The following CBLB variants were observed in gnomAD, a reference collection of about 807,000 sequenced individuals.
CBLB encodes the protein Cbl proto-oncogene B, also known as E3 ubiquitin-protein ligase CBL-B.
Under a neutral mutation model 104.9 loss-of-function variants are expected in CBLB, and 31 were observed. That is an observed-to-expected ratio of 0.30 (90% CI 0.22 to 0.40). CBLB has a LOEUF of 0.40. Among genes scored for constraint, CBLB ranks in the 10% least tolerant of loss-of-function variants. CBLB has a pLI of 1.00. For synonymous variants in CBLB, 440 were observed against 422.6 expected, an observed-to-expected ratio of 1.04 and a Z score of -0.51; for missense variants, 1,062 against 1,214.6, an observed-to-expected ratio of 0.87 and a Z score of 1.87.
chr3:105,664,606 T>A (rs1319267673), intron 18 of CBLB, among the ~76,000 whole-genome samples: 1 of 152,180 alleles, frequency 6.6e-6, no homozygotes, highest in Non-Finnish European at 1.5e-5. Context: ...GTGTATAATA[T>A]GCGCATAATT....
At chr3:105,825,339 G>A (rs75771843) in intron 3 of CBLB, among the ~76,000 whole-genome samples, 2,887 of 152,122 alleles carry the variant, frequency 0.019, 93 homozygotes, top group African/African-American at 0.066. Flanking sequence ...TGTTTCCTCC[G>A]ACTCTCAGAT....
In CBLB at chr3:105,678,449, G is replaced by T. The variant is rs776553846; in HGVS notation, c.2551C>A (p.Leu851Ile). 9.9e-6 allele frequency: 16 copies of T among 1,614,068 alleles called. No individual in the cohort carries two copies. In the South Asian group the frequency reaches 1.8e-4, roughly 18 times the overall value. The change falls in exon 17 of 19, where the codon CTT becomes ATT. Residue 851 changes from leucine (L) to isoleucine (I), a missense_variant. By Grantham distance (5) the Leu-to-Ile change is conservative. Coordinates refer to ENST00000394030, the MANE Select transcript of CBLB (RefSeq NM_170662.5). ...SSSRPSSGQDLFLLPSDPFVD... is the reference protein window; with the variant it reads ...SSSRPSSGQDIFLLPSDPFVD... ...CTCCTACCTGAAGGAAGAAGAAAAAGATCCTGTCCTGAGGATGGCCGGCTA... is the reference window on the plus strand; with the variant it reads ...CTCCTACCTGAAGGAAGAAGAAAAATATCCTGTCCTGAGGATGGCCGGCTA...
chr3:105,793,674 T>G (rs1238304685), intron 3 of CBLB, among the ~76,000 whole-genome samples: 7 of 152,118 alleles, frequency 4.6e-5, no homozygotes, highest in African/African-American at 1.7e-4. Flanking sequence ...TCATGAAAGA[T>G]TCACTAAAAT....
At chr3:105,780,723 C>T (rs556078266) in intron 3 of CBLB, among the ~76,000 whole-genome samples, 8 of 119,506 alleles carry the variant, frequency 6.7e-5, no homozygotes, top group Non-Finnish European at 1.1e-4. Context: ...AGTGCGGTGG[C>T]GCGATCTCGG....
At chr3:105,810,236 T>C (rs556062448) in intron 3 of CBLB, among the ~76,000 whole-genome samples, 22 of 152,248 alleles carry the variant, frequency 1.4e-4, no homozygotes, top group African/African-American at 5.3e-4. Flanking sequence ...TTGCTCTTAT[T>C]TTATTCAATA....
intron 12 of CBLB, among the ~76,000 whole-genome samples, chr3:105,695,930 G>T (rs2068314546): frequency 6.6e-6 from 1 of 151,574 alleles, no homozygotes; most frequent in African/African-American, 2.4e-5. Flanking sequence ...TGGCTCAGAT[G>T]CACTTATTAA....
intron 13 of CBLB, among the ~76,000 whole-genome samples, chr3:105,687,195 T>C (rs1360515218): frequency 6.6e-6 from 1 of 152,146 alleles, no homozygotes; most frequent in Admixed American, 6.5e-5. Flanking sequence ...AAGCATACAC[T>C]ATGTAAAAAG....
rs78373207 is a variant in CBLB, at chr3:105,738,465, A to G, written c.984-1207T>C. Among the ~76,000 whole-genome samples the G allele has an allele frequency of 3.5e-3, 532 of 152,226 alleles. 2 individuals carry two copies. Among genetic ancestry groups the G allele is most frequent in the African/African-American group, 0.012 (515 of 41,566 alleles). ...AAAATTTGACAAACATTAAATGAGG[A>G]ATGATAATCCAAAGAAGAATAAGCA... is the stretch of plus-strand genomic sequence containing the variant. On this transcript the variant is annotated intron_variant, in intron 7 of 18. Coordinates refer to ENST00000394030, the MANE Select transcript of CBLB (RefSeq NM_170662.5).
intron 4 of CBLB, among the ~76,000 whole-genome samples, chr3:105,755,016 C>CTTTTT (rs67405809): frequency 9.3e-4 from 134 of 143,802 alleles, no homozygotes; most frequent in East Asian, 6.7e-3. Context: ...AGTATCTTTT[C>CTTTTT]TTTTTTTTTT....
In CBLB at chr3:105,670,267, T is replaced by C. The variant is rs749804020; in HGVS notation, c.2655A>G (p.Thr885=). ...AAGGAAGCTGATCATAGTCCTGTGA[T>C]GTTCTGTTAGTTTTGACATTTTCAC... ...LPGENVKTNR[T]SQDYDQLPSC... Residue 885 remains threonine (T), a synonymous_variant, in exon 18 of 19, where the codon ACA becomes ACG. Transcript: ENST00000394030. The C allele has an allele frequency of 1.2e-6, 2 of 1,613,356 alleles. No homozygotes were observed. The highest frequency in any genetic ancestry group is 1.7e-6 in the Non-Finnish European group (2 of 1,179,438).
At position 105,702,276 on chromosome 3, in the gene CBLB, A is replaced by G; in HGVS notation, c.1777T>C (p.Trp593Arg). Residue 593 changes from tryptophan to arginine, a missense_variant, in exon 12 of 19, where the codon TGG becomes CGG. By Grantham distance (101) the Trp-to-Arg change is moderately radical. Transcript: ENST00000394030. Reference protein sequence around the residue: ...SRDPPMPLEAWCPRDVFGTNQ... With the variant: ...SRDPPMPLEARCPRDVFGTNQ... ...GTCCCAAACACATCCCGAGGGCACCATGCTTCAAGAGGCATTGGCGGGTCT... is the reference window on the plus strand; with the variant it reads ...GTCCCAAACACATCCCGAGGGCACCGTGCTTCAAGAGGCATTGGCGGGTCT... The G allele has an allele frequency of 6.2e-7, 1 of 1,614,022 alleles. No individual in the cohort carries two copies.
rs943167466 is a variant in CBLB at position 105,681,894 on chromosome 3, C to A, written c.2202-76G>T. ...AAAGTAACTTGAGAGGTAGAGGGAA[C>A]TAGTATTCCTGTTTATTTAATAAAG... On this transcript the variant is annotated intron_variant, in intron 14 of 18. Transcript: ENST00000394030. 5 of 839,208 alleles carry A rather than the reference C, an allele frequency of 6.0e-6. No individual in the cohort carries two copies. The African/African-American group carries it at 8.4e-5, about 14-fold the overall frequency. The allele number at this position is 839,208 out of a possible 1,614,324, so 52.0% of individuals were successfully genotyped here.
chr3:105,712,056 C>A (rs1237826856), intron 10 of CBLB, among the ~76,000 whole-genome samples: 1 of 152,068 alleles, frequency 6.6e-6, no homozygotes, highest in East Asian at 1.9e-4. Flanking sequence ...ACCTTAAGGG[C>A]ACTGCTCTAC....
chr3:105,676,414 T>C (rs974083163), intron 17 of CBLB, among the ~76,000 whole-genome samples: 6 of 152,180 alleles, frequency 3.9e-5, no homozygotes, highest in African/African-American at 7.2e-5. Flanking sequence ...TTGTGTAAAA[T>C]GTTCTCTTTT....
At chr3:105,869,027 G>A (rs1226896419), upstream of CBLB, 1 of 628,096 alleles carries the variant, frequency 1.6e-6, no homozygotes, top group South Asian at 2.5e-5. Context: ...CACCCCTGTG[G>A]CACACACAGG....
intron 3 of CBLB, among the ~76,000 whole-genome samples, chr3:105,779,805 C>T (rs1297798785): frequency 6.6e-6 from 1 of 151,890 alleles, no homozygotes; most frequent in African/African-American, 2.4e-5. Flanking sequence ...CAATGTTTTG[C>T]TATGTAGTAT....
chr3:105,810,672 TTC>T (rs552610183), intron 3 of CBLB, among the ~76,000 whole-genome samples: 134 of 152,238 alleles, frequency 8.8e-4, no homozygotes, highest in Non-Finnish European at 5.7e-4. Flanking sequence ...TAATTTATAG[TTC>T]TGTCATGTTT....
chr3:105,749,204 T>A (rs1394838900), intron 5 of CBLB, among the ~76,000 whole-genome samples: 1 of 152,190 alleles, frequency 6.6e-6, no homozygotes, highest in Non-Finnish European at 1.5e-5. Flanking sequence ...AGCATTTGAT[T>A]ACAGCATAGA....
chr3:105,840,702 T>C (rs888359347), intron 3 of CBLB, among the ~76,000 whole-genome samples: 3 of 152,296 alleles, frequency 2.0e-5, no homozygotes, highest in Non-Finnish European at 2.9e-5. Flanking sequence ...GAAAATGGAA[T>C]TGGACTACCT....
Sources: allele counts gnomAD v4.1 joint callset (sites outside exome capture counted in the v4.1 genomes callset), GRCh38; gene constraint gnomAD v4.1.1; transcripts MANE v1.5; gene names NCBI Gene and HGNC (gene_info 2026-07-23, HGNC 2026-07-21).